The following C12orf54 variants were observed in gnomAD, a reference collection of about 807,000 sequenced individuals.
C12orf54 encodes uncharacterized protein C12orf54.
Under a neutral mutation model 26.4 loss-of-function variants are expected in C12orf54, and 24 were observed. The ratio of observed to expected loss-of-function variants is 0.91; its 90% CI spans 0.66 to 1.28. The LOEUF (loss-of-function observed/expected upper bound fraction) is 1.28. C12orf54 is among the 50% of genes most tolerant of loss of function. The pLI is 0.00. For synonymous variants in C12orf54, 54 were observed against 47.0 expected (o/e 1.15, Z -0.61); for missense variants, 154 against 150.9 (o/e 1.02, Z -0.11).
the C12orf54 span, among the ~76,000 whole-genome samples, chr12:48,425,324 A>G: frequency 1.3e-5 from 2 of 152,056 alleles, no homozygotes; most frequent in Admixed American, 1.3e-4. Context: ...ATAAGTGAAA[A>G]CATGCAGTAT....
At chr12:48,476,895 C>T in the C12orf54 span, among the ~76,000 whole-genome samples, 2 of 152,274 alleles carry the variant, frequency 1.3e-5, no homozygotes, top group African/African-American at 4.8e-5. Context: ...ACCAAGCGGA[C>T]CTAATAGACA....
chr12:48,424,257 GATA>G, the C12orf54 span, among the ~76,000 whole-genome samples: 3 of 152,000 alleles, frequency 2.0e-5, no homozygotes, highest in African/African-American at 7.2e-5. Context: ...ATGATGTTGA[GATA>G]ATAAGTTTTG....
the C12orf54 span, among the ~76,000 whole-genome samples, chr12:48,427,482 T>C: frequency 6.6e-6 from 1 of 152,156 alleles, no homozygotes; most frequent in Non-Finnish European, 1.5e-5. Flanking sequence ...AGTTTGCTAG[T>C]ATTTTGTCAA....
the C12orf54 span, among the ~76,000 whole-genome samples, chr12:48,468,927 C>T: frequency 6.6e-6 from 1 of 152,080 alleles, no homozygotes; most frequent in Non-Finnish European, 1.5e-5. Context: ...TTCCATGATG[C>T]CTGAGCCACA....
At chr12:48,431,843 G>A in the C12orf54 span, among the ~76,000 whole-genome samples, 1 of 152,150 alleles carries the variant, frequency 6.6e-6, no homozygotes, top group African/African-American at 2.4e-5. Context: ...ACTACCCATA[G>A]GTGTGAGATT....
chr12:48,429,575 C>CA, the C12orf54 span, among the ~76,000 whole-genome samples: 7,755 of 142,544 alleles, frequency 0.054, 655 homozygotes, highest in African/African-American at 0.18. Flanking sequence ...ACAATAGCTG[C>CA]AAAAAAAAAA....
intron 5 of C12orf54, 80 bp downstream of exon 5, chr12:48,489,036 A>G: frequency 7.4e-7 from 1 of 1,343,740 alleles, no homozygotes; most frequent in South Asian, 1.2e-5. Context: ...CCCTACTGAG[A>G]TGTTGCCTCT....
upstream of C12orf54, among the ~76,000 whole-genome samples, chr12:48,479,157 A>G (rs1954173703): frequency 6.6e-6 from 1 of 152,252 alleles, no homozygotes; most frequent in Admixed American, 6.5e-5. Context: ...TGTGGCACAT[A>G]TGCACCATGG....
chr12:48,418,273 C>G, the C12orf54 span, among the ~76,000 whole-genome samples: 3 of 152,324 alleles, frequency 2.0e-5, no homozygotes, highest in East Asian at 5.8e-4. Flanking sequence ...AAGACATTCT[C>G]TATTTACTGC....
At chr12:48,476,297 A>C in the C12orf54 span, among the ~76,000 whole-genome samples, 1 of 152,238 alleles carries the variant, frequency 6.6e-6, no homozygotes, top group African/African-American at 2.4e-5. Context: ...AAACATGCCA[A>C]ATTGTAAAGA....
upstream of C12orf54, among the ~76,000 whole-genome samples, chr12:48,477,759 CT>C (rs1954158684): frequency 3.3e-5 from 5 of 152,130 alleles, no homozygotes; most frequent in Admixed American, 2.6e-4. Context: ...TAATCAATAG[CT>C]TAACAACCAA....
the C12orf54 span, among the ~76,000 whole-genome samples, chr12:48,444,495 TC>T: frequency 8.5e-5 from 13 of 152,184 alleles, no homozygotes; most frequent in Non-Finnish European, 1.3e-4. Context: ...AGAGTGAAAA[TC>T]TTACAAAGGA....
chr12:48,491,082 G>T (rs1272676950), intron 6 of C12orf54, among the ~76,000 whole-genome samples: 1 of 152,214 alleles, frequency 6.6e-6, no homozygotes, highest in East Asian at 1.9e-4. Context: ...AGCACTGCAA[G>T]TCTCTCCTCT....
intron 7 of C12orf54, among the ~76,000 whole-genome samples, chr12:48,494,545 A>G (rs1937868297): frequency 6.6e-6 from 1 of 152,190 alleles, no homozygotes; most frequent in African/African-American, 2.4e-5. Context: ...CTCTGAGTCA[A>G]GCAAGAGGAA....
At chr12:48,444,801 C>CT in the C12orf54 span, among the ~76,000 whole-genome samples, 1 of 152,100 alleles carries the variant, frequency 6.6e-6, no homozygotes, top group African/African-American at 2.4e-5. Flanking sequence ...CTGAGAGGAA[C>CT]TTTTTTAAGA....
chr12:48,433,376 T>A, the C12orf54 span, among the ~76,000 whole-genome samples: 9 of 150,912 alleles, frequency 6.0e-5, no homozygotes, highest in African/African-American at 2.2e-4. Flanking sequence ...TGGTGAGAAC[T>A]TATCCTAAAT....
At chr12:48,436,202 G>A in the C12orf54 span, among the ~76,000 whole-genome samples, 9 of 152,150 alleles carry the variant, frequency 5.9e-5, no homozygotes, top group Admixed American at 5.9e-4. Flanking sequence ...TCAACAAGAA[G>A]AACTAACTAT....
chr12:48,452,831 T>C, the C12orf54 span, among the ~76,000 whole-genome samples: 1 of 151,726 alleles, frequency 6.6e-6, no homozygotes, highest in Admixed American at 6.6e-5. Flanking sequence ...ATGTCTATTA[T>C]TAAAAATAAC....
the C12orf54 span, among the ~76,000 whole-genome samples, chr12:48,454,201 G>A: frequency 6.8e-6 from 1 of 147,920 alleles, no homozygotes; most frequent in Admixed American, 6.9e-5. Context: ...GGGTTCAAGT[G>A]ATTCTCCTGC....
Sources: gnomAD v4.1 joint callset for allele counts (sites outside exome capture counted in the v4.1 genomes callset) on GRCh38, gnomAD v4.1.1 for gene constraint, MANE v1.5 for transcripts, NCBI Gene and HGNC (gene_info 2026-07-23, HGNC 2026-07-21) for gene names.